The following COL5A1 variants were observed in gnomAD, a reference collection of about 807,000 sequenced individuals.
COL5A1 encodes collagen alpha-1(V) chain.
In COL5A1, 16 loss-of-function variants were observed where a neutral mutation model predicts 263.7. The ratio of observed to expected loss-of-function variants is 0.06; its 90% CI spans 0.04 to 0.09. COL5A1 has a LOEUF of 0.09. Among genes scored for constraint, COL5A1 ranks in the 10% least tolerant of loss-of-function variants. COL5A1 has a pLI of 1.00. For missense variants in COL5A1, 2,036 were observed against 2,540.5 expected (o/e 0.80, Z 4.27); for synonymous variants, 1,012 against 1,004.5 (o/e 1.01, Z -0.14).
At chr9:134,717,616 G>A (rs1483973157) in intron 4 of COL5A1, among the ~76,000 whole-genome samples, 3 of 152,196 alleles carry the variant, frequency 2.0e-5, no homozygotes, top group African/African-American at 4.8e-5. Flanking sequence ...CAACGTGCCC[G>A]CCTGCCAGGA....
chr9:134,681,201 C>G lies in COL5A1; in HGVS notation c.110-9711C>G, dbSNP rs1333112826. Among the ~76,000 whole-genome samples the G allele has an allele frequency of 6.6e-6, 1 of 152,250 alleles. No homozygotes were observed. Among genetic ancestry groups the G allele is most frequent in the African/African-American group, 2.4e-5 (1 of 41,474 alleles). ...GGGGGCCTCAGCCCTGGGCCAGACC[C>G]TCCCTGGTGGCTCGATGGCTCGGCC... On this transcript the variant is annotated intron_variant, in intron 1 of 65. Transcript: ENST00000371817. The surrounding 1 kb of genome is among the most constrained non-coding windows in gnomAD (Gnocchi z 4.3).
rs546847787 is a variant in COL5A1 at position 134,716,177 on chromosome 9, A to G, written c.655-11089A>G. ...GGAGTGTTCTGGTGCAATCCCATTT[A>G]GTCCTCTGCTCTATGAGGTAGATCT... is the stretch of plus-strand genomic sequence containing the variant. On this transcript the variant is annotated intron_variant, in intron 4 of 65. Coordinates refer to ENST00000371817, the MANE Select transcript of COL5A1 (RefSeq NM_000093.5). This position sits in a 1 kb window ranked among gnomAD's most constrained non-coding sequence, Gnocchi z 4.5. Among the ~76,000 whole-genome samples the G allele has an allele frequency of 2.8e-4, 43 of 152,198 alleles. No homozygotes were observed. The highest frequency in any genetic ancestry group is 5.3e-4 in the Non-Finnish European group (36 of 68,026).
intron 1 of COL5A1, among the ~76,000 whole-genome samples, chr9:134,665,574 G>T (rs1277491333): frequency 6.6e-6 from 1 of 152,156 alleles, no homozygotes; most frequent in Non-Finnish European, 1.5e-5. Context: ...TGGACGGCTG[G>T]GTGCACAGGC....
chr9:134,839,785 C>T (rs1244883143), intron 65 of COL5A1, among the ~76,000 whole-genome samples: 1 of 152,216 alleles, frequency 6.6e-6, no homozygotes, highest in Non-Finnish European at 1.5e-5. Context: ...GTGTGGATGG[C>T]CACCTCTCAT....
intron 28 of COL5A1, among the ~76,000 whole-genome samples, chr9:134,781,469 C>A (rs1837253337): frequency 6.6e-6 from 1 of 152,224 alleles, no homozygotes; most frequent in Admixed American, 6.5e-5. Flanking sequence ...CCCGTTGGTC[C>A]CCGGGAGGCT....
At chr9:134,815,403 G>A (rs1273075425) in intron 50 of COL5A1, among the ~76,000 whole-genome samples, 173 bp from the exon 51 acceptor site, 1 of 152,258 alleles carries the variant, frequency 6.6e-6, no homozygotes, top group East Asian at 1.9e-4. Context: ...GGGACATGCT[G>A]CACGTGGAAG....
At chr9:134,812,363 G>A in intron 46 of COL5A1, 86 bp from the exon 47 acceptor site, 3 of 1,392,772 alleles carry the variant, frequency 2.2e-6, no homozygotes, top group African/African-American at 2.8e-5. Context: ...CAGTGGTGCT[G>A]TGTGGGTGGA....
intron 19 of COL5A1, among the ~76,000 whole-genome samples, chr9:134,762,385 A>T (rs1229977290): frequency 6.6e-6 from 1 of 152,196 alleles, no homozygotes; most frequent in Non-Finnish European, 1.5e-5. Context: ...TGAGATTTGG[A>T]GGAGCAGAAG....
chr9:134,836,771 G>A (rs1839867644), intron 65 of COL5A1, among the ~76,000 whole-genome samples: 1 of 152,226 alleles, frequency 6.6e-6, no homozygotes, highest in Non-Finnish European at 1.5e-5. Flanking sequence ...CTGCACTGAG[G>A]GTTAAAGCTG....
At position 134,757,818 on chromosome 9, in the gene COL5A1, G is replaced by A. The variant is rs989292190; in HGVS notation, c.1882-425G>A. On this transcript the variant is annotated intron_variant, in intron 17 of 65. Transcript: ENST00000371817. This position sits in a 1 kb window ranked among gnomAD's most constrained non-coding sequence, Gnocchi z 6.2. ...TGCTGGCCCGTCCACCAATGGGTAC[G>A]CGTACCTCCTGAGCGCGGGCAGCCC... is the stretch of plus-strand genomic sequence containing the variant. 2.6e-5 allele frequency among the ~76,000 whole-genome samples: 4 copies of A among 152,136 alleles called. No homozygotes were observed. Among genetic ancestry groups the A allele is most frequent in the Non-Finnish European group, 4.4e-5 (3 of 68,026 alleles).
At chr9:134,663,541 A>G (rs1191979221) in intron 1 of COL5A1, among the ~76,000 whole-genome samples, 1 of 152,226 alleles carries the variant, frequency 6.6e-6, no homozygotes. Flanking sequence ...CTTCTTTAAT[A>G]TCTATTTTTA....
chr9:134,747,832 C>CAT (rs150926060), intron 11 of COL5A1, among the ~76,000 whole-genome samples: 46,486 of 120,046 alleles, frequency 0.39, 13,220 homozygotes, highest in African/African-American at 0.68. Context: ...CGTTCATACA[C>CAT]ATGCAGACAC....
intron 11 of COL5A1, among the ~76,000 whole-genome samples, chr9:134,739,299 AT>A (rs1320889836): frequency 6.6e-6 from 1 of 152,048 alleles, no homozygotes; most frequent in African/African-American, 2.4e-5. Context: ...GGCTGCCGCG[AT>A]TTCCTTCTGA....
At chr9:134,708,540 T>C in intron 4 of COL5A1, 1 of 516,412 alleles carries the variant, frequency 1.9e-6, no homozygotes, top group Non-Finnish European at 3.9e-6. Flanking sequence ...GTGCTTTCTG[T>C]AGGATCCACC....
At chr9:134,737,251 T>G (rs573763189) in intron 9 of COL5A1, among the ~76,000 whole-genome samples, 1 of 152,322 alleles carries the variant, frequency 6.6e-6, no homozygotes, top group South Asian at 2.1e-4. Flanking sequence ...TCCCTGCAGC[T>G]GCAGGATAAT....
chr9:134,822,993 T>G lies in COL5A1; in HGVS notation c.4609-5T>G. The G allele has an allele frequency of 6.2e-7, 1 of 1,614,072 alleles. No individual in the cohort carries two copies. ...TGCTGACGTTCTGCCCTCCTCTCTC[T>G]GCAGGGTCCGCCTGGTCCAAAAGGT... On this transcript the variant is annotated splice_polypyrimidine_tract_variant and splice_region_variant and intron_variant, in intron 59 of 65. Coordinates refer to ENST00000371817, the MANE Select transcript of COL5A1 (RefSeq NM_000093.5).
chr9:134,660,751 G>A (rs999007793), intron 1 of COL5A1, among the ~76,000 whole-genome samples: 2 of 152,188 alleles, frequency 1.3e-5, no homozygotes, highest in Non-Finnish European at 1.5e-5. Context: ...AGCTGATGAT[G>A]TCTCTCTACC....
Position 134,731,026 on chromosome 9 carries a change from C to T in COL5A1, c.1165-470C>T, listed in dbSNP as rs548513170. 6.6e-5 allele frequency among the ~76,000 whole-genome samples: 10 copies of T among 152,358 alleles called. No homozygotes were observed. In the South Asian group the frequency reaches 1.5e-3, roughly 22 times the overall value. Reference sequence around the variant, plus strand: ...CCTTTCCAACATGGCACTGACAGTTCCTGTCTCTGGGGGCTGTGAAGTTTT... The same window carrying T: ...CCTTTCCAACATGGCACTGACAGTTTCTGTCTCTGGGGGCTGTGAAGTTTT... On this transcript the variant is annotated intron_variant, in intron 7 of 65. Transcript: ENST00000371817.
intron 4 of COL5A1, among the ~76,000 whole-genome samples, chr9:134,717,517 C>T (rs971104521): frequency 6.6e-6 from 1 of 152,196 alleles, no homozygotes. Flanking sequence ...CAGCTCCAGA[C>T]CCTAGCGCTG....
Sources: gnomAD v4.1 joint callset for allele counts (sites outside exome capture counted in the v4.1 genomes callset) on GRCh38, gnomAD v4.1.1 for gene constraint, Gnocchi (gnomAD v3.1) non-coding constraint, MANE v1.5 for transcripts, NCBI Gene and HGNC (gene_info 2026-07-23, HGNC 2026-07-21) for gene names.